PIGU: variants seen among roughly 807,000 people sequenced by gnomAD.
The protein encoded by PIGU is phosphatidylinositol glycan anchor biosynthesis class U, also known as GPI-anchor transamidase component PIGU.
Under a neutral mutation model 49.9 loss-of-function variants are expected in PIGU, and 24 were observed. The ratio of observed to expected loss-of-function variants is 0.48; its 90% CI spans 0.35 to 0.68. PIGU has a LOEUF of 0.68. Ranked by LOEUF, PIGU falls within the 30% of genes least tolerant of loss-of-function variation. PIGU has a pLI of 0.01. For synonymous variants in PIGU, 220 were observed against 205.7 expected (o/e 1.07, Z -0.59); for missense variants, 490 against 532.6 (o/e 0.92, Z 0.79).
intron 7 of PIGU, among the ~76,000 whole-genome samples, chr20:34,595,012 A>C (rs1406583643): frequency 6.7e-6 from 1 of 149,552 alleles, no homozygotes; most frequent in Non-Finnish European, 1.5e-5. Flanking sequence ...GAATGGCATG[A>C]ACCCAGGAGG....
At chr20:34,665,071 G>A (rs1987042836) in intron 1 of PIGU, among the ~76,000 whole-genome samples, 1 of 151,910 alleles carries the variant, frequency 6.6e-6, no homozygotes, top group Non-Finnish European at 1.5e-5. Flanking sequence ...TGTCGCCCAC[G>A]CTAGAGTGCA....
chr20:34,676,849 A>T, intron 1 of PIGU, 107 bp downstream of exon 1: 1 of 1,356,336 alleles, frequency 7.4e-7, no homozygotes, highest in Non-Finnish European at 9.9e-7. Flanking sequence ...ACAGTCAGTT[A>T]GTTCTCTAGG....
At chr20:34,573,227 A>G (rs1983086319) in intron 11 of PIGU, among the ~76,000 whole-genome samples, 1 of 152,156 alleles carries the variant, frequency 6.6e-6, no homozygotes, top group Non-Finnish European at 1.5e-5. Context: ...ATGATTTAAA[A>G]TACATTTTAA....
chr20:34,642,257 G>A (rs534786712), intron 4 of PIGU, among the ~76,000 whole-genome samples: 12 of 152,098 alleles, frequency 7.9e-5, no homozygotes, highest in African/African-American at 2.2e-4. Flanking sequence ...TCACTCAGGC[G>A]GGAGTGCAGT....
chr20:34,628,723 TGCCTGTAGTCCCA>T (rs1776550085), intron 6 of PIGU, among the ~76,000 whole-genome samples: 2 of 152,200 alleles, frequency 1.3e-5, no homozygotes, highest in African/African-American at 4.8e-5. Context: ...TGGTGGTGCG[TGCCTGTAGTCCCA>T]GCTACTTGAG....
chr20:34,607,368 T>C (rs867973864), intron 7 of PIGU, among the ~76,000 whole-genome samples: 2 of 151,924 alleles, frequency 1.3e-5, no homozygotes, highest in Non-Finnish European at 2.9e-5. Flanking sequence ...CCACTGGCAG[T>C]GGAGTGGCAG....
chr20:34,577,443 T>C (rs1255563816), intron 10 of PIGU, among the ~76,000 whole-genome samples: 1 of 152,184 alleles, frequency 6.6e-6, no homozygotes, highest in Non-Finnish European at 1.5e-5. Flanking sequence ...CGGCCGGGTA[T>C]GGTGGCTCAC....
intron 7 of PIGU, among the ~76,000 whole-genome samples, chr20:34,600,362 A>G (rs983418085): frequency 1.2e-4 from 18 of 151,608 alleles, no homozygotes; most frequent in African/African-American, 4.1e-4. Context: ...AGCCGAGATC[A>G]TGCCATTGCA....
chr20:34,634,522 T>TAAAAAAAAAAA, intron 6 of PIGU, 93 bp downstream of exon 6: 1 of 1,204,642 alleles, frequency 8.3e-7, no homozygotes, highest in Non-Finnish European at 1.1e-6. Flanking sequence ...AGTGTTGCAT[T>TAAAAAAAAAAA]AAAAAAAAAA....
intron 2 of PIGU, among the ~76,000 whole-genome samples, chr20:34,646,254 T>C (rs1317974526): frequency 2.6e-5 from 4 of 152,232 alleles, no homozygotes; most frequent in Non-Finnish European, 5.9e-5. Context: ...GTTTTTACTT[T>C]GTCAATTTAG....
chr20:34,580,267 T>A (rs1983403850), intron 10 of PIGU, among the ~76,000 whole-genome samples: 1 of 152,230 alleles, frequency 6.6e-6, no homozygotes, highest in Non-Finnish European at 1.5e-5. Flanking sequence ...CCAAGCTGAC[T>A]CTCAACCTGC....
chr20:34,560,638 G>C lies in PIGU; in HGVS notation c.*228C>G, dbSNP rs2146684123. On this transcript the variant is annotated 3_prime_UTR_variant, in exon 12 of 12. Transcript: ENST00000217446. ...TTCCTGTCTGGGAGGGGGCTCCTTG[G>C]TGTGCAGAGCCACAAGGTGGGGGTC... 6.7e-6 allele frequency: 3 copies of C among 447,182 alleles called. No individual in the cohort carries two copies. In the East Asian group the frequency reaches 1.1e-4, roughly 16 times the overall value. 27.7% of individuals were successfully genotyped at this position (447,182 alleles called of 1,614,324 possible).
In PIGU at chr20:34,645,030, ATGTTTTT is replaced by A. The variant is rs367864641; in HGVS notation, c.255+238_255+244del. Among the ~76,000 whole-genome samples, 147 of 152,212 alleles carry A rather than the reference ATGTTTTT, an allele frequency of 9.7e-4. 1 individual carries two copies. The highest frequency in any genetic ancestry group is 3.4e-3 in the Middle Eastern group (1 of 294). On this transcript the variant is annotated intron_variant, in intron 3 of 11. Coordinates refer to ENST00000217446, the MANE Select transcript of PIGU (RefSeq NM_080476.5). ...TTTTCTGAGAAACTCCTGAGTTCCTATGTTTTTTGTTTTTTGTTTTTTTCTTAAACAC... is the reference window on the plus strand; with the variant it reads ...TTTTCTGAGAAACTCCTGAGTTCCTATGTTTTTTGTTTTTTTCTTAAACAC...
intron 7 of PIGU, among the ~76,000 whole-genome samples, chr20:34,613,418 G>T (rs758153772): frequency 6.6e-6 from 1 of 152,206 alleles, no homozygotes; most frequent in Non-Finnish European, 1.5e-5. Flanking sequence ...GTCCACTAGT[G>T]TCAGGAGGAA....
At chr20:34,579,052 C>G (rs1983351470) in intron 10 of PIGU, 1 of 152,174 alleles carries the variant, frequency 6.6e-6, no homozygotes, top group Non-Finnish European at 1.5e-5. Flanking sequence ...AGAAGGGGAA[C>G]AGGGGGGATT....
rs1450225921 is a variant in PIGU, at chr20:34,658,451, C to T, written c.131-1207G>A. On this transcript the variant is annotated intron_variant, in intron 1 of 11. Coordinates refer to ENST00000217446, the MANE Select transcript of PIGU (RefSeq NM_080476.5). ...AGTGAGGAGCATCTCTGCCTGGCCG[C>T]CCATCATCTGGGATGTGAGGAGCCC... Among the ~76,000 whole-genome samples the T allele has an allele frequency of 6.0e-3, 921 of 152,260 alleles. 6 individuals are homozygous for T. Among genetic ancestry groups the T allele is most frequent in the African/African-American group, 0.02 (848 of 41,552 alleles).
chr20:34,565,871 C>T (rs1204978116), intron 11 of PIGU, among the ~76,000 whole-genome samples: 8 of 151,460 alleles, frequency 5.3e-5, no homozygotes, highest in Non-Finnish European at 1.2e-4. Context: ...CACACATACA[C>T]GCATGCTTGC....
intron 4 of PIGU, among the ~76,000 whole-genome samples, chr20:34,642,423 A>G (rs1406153777): frequency 1.3e-5 from 2 of 152,008 alleles, no homozygotes; most frequent in African/African-American, 2.4e-5. Flanking sequence ...TATATTGCCC[A>G]GGCTGGTCTT....
intron 7 of PIGU, among the ~76,000 whole-genome samples, chr20:34,608,711 G>C (rs746115074): frequency 9.2e-5 from 14 of 152,090 alleles, no homozygotes; most frequent in Non-Finnish European, 1.9e-4. Context: ...GAAGTAGAAA[G>C]CATTCTGAAG....
Sources: gnomAD v4.1 joint callset for allele counts (sites outside exome capture counted in the v4.1 genomes callset) on GRCh38, gnomAD v4.1.1 for gene constraint, MANE v1.5 for transcripts, NCBI Gene and HGNC (gene_info 2026-07-23, HGNC 2026-07-21) for gene names.